The following UFL1 variants were observed in gnomAD, a reference collection of about 807,000 sequenced individuals.
UFL1 encodes the protein E3 UFM1-protein ligase 1.
A neutral mutation model predicts 99.3 loss-of-function variants in UFL1; 78 were observed. That is an observed-to-expected ratio of 0.79 (90% CI 0.65 to 0.95). UFL1 has a LOEUF of 0.95. UFL1 is among the 40% of genes least tolerant of loss of function. UFL1 has a pLI of 0.00. For missense variants in UFL1, 936 were observed against 937.0 expected (o/e 1.00, Z 0.01); for synonymous variants, 335 against 322.2 (o/e 1.04, Z -0.42).
At chr6:96,546,547 C>G (rs537802875) in intron 12 of UFL1, among the ~76,000 whole-genome samples, 1 of 151,560 alleles carries the variant, frequency 6.6e-6, no homozygotes, top group Non-Finnish European at 1.5e-5. Flanking sequence ...AAAAGAGAGC[C>G]TGAATAGCCA....
chr6:96,523,266 G>C lies in UFL1; in HGVS notation c.198G>C (p.Met66Ile), dbSNP rs905833885. 1.2e-6 allele frequency: 2 copies of C among 1,609,238 alleles called. No homozygotes were observed. The highest frequency in any genetic ancestry group is 2.7e-5 in the African/African-American group (2 of 74,482). Residue 66 changes from methionine to isoleucine, a missense_variant, in exon 2 of 19, where the codon ATG becomes ATC. By Grantham distance (10) the Met-to-Ile change is conservative (BLOSUM62 1). Coordinates refer to ENST00000369278, the MANE Select transcript of UFL1 (RefSeq NM_015323.5). ...CTCCAGCCCAAATTAGTAAAGAAAT[G>C]AGAGATGAGCTACATGTCCGAGGTG... ...YITPAQISKE[M>I]RDELHVRGGR...
At chr6:96,524,440 T>A (rs753714771) in intron 3 of UFL1, 30 bp downstream of exon 3, 50 of 1,542,918 alleles carry the variant, frequency 3.2e-5, no homozygotes, top group Non-Finnish European at 4.3e-5. Context: ...AATTTTTGCT[T>A]TACTTTCTCA....
chr6:96,522,162 C>T (rs1159911043), intron 1 of UFL1, among the ~76,000 whole-genome samples: 1 of 152,238 alleles, frequency 6.6e-6, no homozygotes, highest in East Asian at 1.9e-4. Flanking sequence ...TGGAGCCCCC[C>T]AGCCCAGCTG....
chr6:96,538,641 C>G lies in UFL1; in HGVS notation c.989C>G (p.Pro330Arg). The G allele has an allele frequency of 1.2e-6, 2 of 1,610,428 alleles. No individual in the cohort carries two copies. Among genetic ancestry groups the G allele is most frequent in the Non-Finnish European group, 1.7e-6 (2 of 1,177,776 alleles). The change falls in exon 10 of 19, where the codon CCC becomes CGC. Residue 330 changes from proline (P) to arginine (R), a missense_variant. Transcript: ENST00000369278. ...TGTTTGTAATTCTAGCCTCTGCTAC[C>G]CACTTCTTTATCAGTTGAAGATGCT... is the stretch of plus-strand genomic sequence containing the variant. ...GTWVDIAPLLPTSLSVEDAAI... is the reference protein window; with the variant it reads ...GTWVDIAPLLRTSLSVEDAAI...
chr6:96,548,831 T>C (rs2127953220), intron 13 of UFL1, among the ~76,000 whole-genome samples: 1 of 151,818 alleles, frequency 6.6e-6, no homozygotes, highest in African/African-American at 2.4e-5. Context: ...TCAAGTTAGT[T>C]TCACTGTGTA....
At chr6:96,526,048 T>C (rs892769498) in intron 4 of UFL1, among the ~76,000 whole-genome samples, 44 of 150,100 alleles carry the variant, frequency 2.9e-4, no homozygotes, top group African/African-American at 1.0e-3. Context: ...ATCATGCCAT[T>C]GCACTCCAGC....
chr6:96,534,450 G>T, intron 7 of UFL1, 129 bp downstream of exon 7: 4 of 736,584 alleles, frequency 5.4e-6, no homozygotes, highest in Non-Finnish European at 7.9e-6. Flanking sequence ...GTTTAAAAAA[G>T]TTTCTTTGTA....
intron 13 of UFL1, among the ~76,000 whole-genome samples, chr6:96,548,628 A>C (rs1770033718): frequency 6.6e-6 from 1 of 151,766 alleles, no homozygotes; most frequent in Non-Finnish European, 1.5e-5. Context: ...TTCAAAAGGA[A>C]GAAAAGATAA....
intron 6 of UFL1, among the ~76,000 whole-genome samples, chr6:96,532,806 T>G (rs1406537641): frequency 6.6e-6 from 1 of 152,146 alleles, no homozygotes; most frequent in African/African-American, 2.4e-5. Context: ...TACCCAGCCT[T>G]AAGTCTTCTG....
intron 13 of UFL1, 72 bp from the exon 14 acceptor site, chr6:96,549,340 G>T: frequency 8.1e-7 from 1 of 1,235,754 alleles, no homozygotes; most frequent in African/African-American, 1.6e-5. Context: ...TATTTCCATA[G>T]AAACAAAATT....
chr6:96,549,934 T>C lies in UFL1; in HGVS notation c.1818+135T>C, dbSNP rs914243673. The C allele has an allele frequency of 3.3e-6, 4 of 1,206,690 alleles. No homozygotes were observed. In the African/African-American group the frequency reaches 4.6e-5, roughly 14 times the overall value. 74.7% of individuals were successfully genotyped at this position (1,206,690 alleles called of 1,614,324 possible). A position where few individuals can be genotyped will look rare whatever the true frequency, so the allele number is the denominator to read the frequency against. ...TTTGAGGAAAAAAATCTAAAAGTTT[T>C]TTATTCAACTTTAGTACTATATATA... On this transcript the variant is annotated intron_variant, in intron 15 of 18. Coordinates refer to ENST00000369278, the MANE Select transcript of UFL1 (RefSeq NM_015323.5).
rs541993575 is a variant in UFL1 at position 96,533,207 on chromosome 6, T to TA, written c.597-1045dup. The stretch of plus-strand genomic sequence containing the variant: ...GTCTAGATTCTTTTCTTGTATCCTT[T>TA]AAAAAAAAAAACTATAGTTATTACA... On this transcript the variant is annotated intron_variant, in intron 6 of 18. Transcript: ENST00000369278. 1.9e-3 allele frequency among the ~76,000 whole-genome samples: 269 copies of TA among 144,964 alleles called. 1 individual carries two copies. In the Middle Eastern group the frequency reaches 0.025, roughly 13 times the overall value.
In UFL1 at chr6:96,553,663, T is replaced by C. The variant is rs1770114021; in HGVS notation, c.*160T>C. On this transcript the variant is annotated 3_prime_UTR_variant, in exon 19 of 19. Transcript: ENST00000369278. The stretch of plus-strand genomic sequence containing the variant: ...ACAGTAGTATTGTATTAAATGTAAA[T>C]CTTAAAAAGATGTGAATTTTTGTAA... 1.0e-5 allele frequency: 5 copies of C among 485,652 alleles called. No homozygotes were observed. The East Asian group carries it at 1.6e-4, about 15-fold the overall frequency. The allele number at this position is 485,652 out of a possible 1,614,324, so 30.1% of individuals were successfully genotyped here. A position where few individuals can be genotyped will look rare whatever the true frequency, so the allele number is the denominator to read the frequency against.
chr6:96,549,455 A>G lies in UFL1; in HGVS notation c.1564A>G (p.Met522Val). 1 of 1,598,242 alleles carries G rather than the reference A, an allele frequency of 6.3e-7. No individual in the cohort carries two copies. ...TYLEVVRSVFMSSTTSASGTG... is the reference protein window; with the variant it reads ...TYLEVVRSVFVSSTTSASGTG... ...TCTCGAGGTGGTACGTTCAGTATTCATGTCTTCAACAACTTCTGCTTCTGG... is the reference window on the plus strand; with the variant it reads ...TCTCGAGGTGGTACGTTCAGTATTCGTGTCTTCAACAACTTCTGCTTCTGG... Residue 522 changes from methionine to valine, a missense_variant, in exon 14 of 19, where the codon ATG becomes GTG. By Grantham distance (21) the Met-to-Val change is conservative. Transcript: ENST00000369278.
chr6:96,533,024 T>C (rs1349991801), intron 6 of UFL1, among the ~76,000 whole-genome samples: 1 of 152,164 alleles, frequency 6.6e-6, no homozygotes, highest in East Asian at 1.9e-4. Flanking sequence ...AGAAAATATT[T>C]ACAATATTCT....
intron 3 of UFL1, among the ~76,000 whole-genome samples, chr6:96,524,748 C>T (rs1769675213): frequency 1.3e-5 from 2 of 152,078 alleles, no homozygotes; most frequent in South Asian, 4.1e-4. Context: ...GGAGAAAAGT[C>T]ACCAGTTTCA....
At chr6:96,524,071 GTAGA>G (rs1251182756) in intron 2 of UFL1, among the ~76,000 whole-genome samples, 1 of 151,728 alleles carries the variant, frequency 6.6e-6, no homozygotes, top group Non-Finnish European at 1.5e-5. Context: ...TTTGATCACA[GTAGA>G]TAAATTCTGA....
rs1257042316 is a variant in UFL1 at position 96,553,310 on chromosome 6, A to G, written c.2192A>G (p.Tyr731Cys). Residue 731 changes from tyrosine (Y) to cysteine (C), a missense_variant, in exon 19 of 19, where the codon TAT becomes TGT. Coordinates refer to ENST00000369278, the MANE Select transcript of UFL1 (RefSeq NM_015323.5). ...GATCAGCATGCTCTTTTGGTAAAGT[A>G]TCAAGGTTTGGTTGTAAAGCAGCTA... ...PEDQHALLVK[Y>C]QGLVVKQLVS... The G allele has an allele frequency of 6.2e-7, 1 of 1,613,678 alleles. No homozygotes were observed. The highest frequency in any genetic ancestry group is 8.5e-7 in the Non-Finnish European group (1 of 1,179,740).
chr6:96,529,766 C>T (rs1769754916), intron 6 of UFL1, among the ~76,000 whole-genome samples: 1 of 152,170 alleles, frequency 6.6e-6, no homozygotes, highest in Non-Finnish European at 1.5e-5. Context: ...TTCAACAAAT[C>T]AACAAGCATT....
Sources: allele counts gnomAD v4.1 joint callset (sites outside exome capture counted in the v4.1 genomes callset), GRCh38; gene constraint gnomAD v4.1.1; transcripts MANE v1.5; gene names NCBI Gene and HGNC (gene_info 2026-07-23, HGNC 2026-07-21).